The following ST18 variants were observed in gnomAD, a reference collection of about 807,000 sequenced individuals.
The protein encoded by ST18 is suppression of tumorigenicity 18 protein.
A neutral mutation model predicts 110.0 loss-of-function variants in ST18; 50 were observed. That is an observed-to-expected ratio of 0.45 (90% CI 0.36 to 0.58). The LOEUF is 0.58. Ranked by LOEUF, ST18 falls within the 20% of genes least tolerant of loss-of-function variation. The pLI is 0.00. For missense variants in ST18, 1,306 were observed against 1,280.1 expected (o/e 1.02, Z -0.31); for synonymous variants, 461 against 452.4 (o/e 1.02, Z -0.24).
intron 2 of ST18, among the ~76,000 whole-genome samples, chr8:52,230,288 G>T (rs193059704): frequency 9.2e-5 from 14 of 152,072 alleles, no homozygotes; most frequent in African/African-American, 3.1e-4. Context: ...AGAAAAACAG[G>T]TGTCTACTGT....
At chr8:52,288,343 G>A (rs543399270) in intron 2 of ST18, among the ~76,000 whole-genome samples, 1 of 152,272 alleles carries the variant, frequency 6.6e-6, no homozygotes, top group East Asian at 1.9e-4. Context: ...AGATGAGAAA[G>A]TGTAATGAGA....
chr8:52,372,658 T>C (rs1030071452), intron 2 of ST18, among the ~76,000 whole-genome samples: 4 of 152,224 alleles, frequency 2.6e-5, no homozygotes, highest in African/African-American at 7.2e-5. Context: ...ATAGTTACCA[T>C]TGGGTTCCAA....
At chr8:52,382,175 C>A (rs1336792191) in intron 2 of ST18, among the ~76,000 whole-genome samples, 5 of 152,100 alleles carry the variant, frequency 3.3e-5, no homozygotes, top group Non-Finnish European at 7.4e-5. Flanking sequence ...CCATTTAAAG[C>A]CTTCTATCAG....
At chr8:52,293,850 A>C (rs2095592925) in intron 2 of ST18, among the ~76,000 whole-genome samples, 1 of 152,202 alleles carries the variant, frequency 6.6e-6, no homozygotes, top group African/African-American at 2.4e-5. Context: ...TTCTGAGTGG[A>C]GCTCCAAGAT....
chr8:52,269,261 G>GCCC (rs1217493158), intron 2 of ST18, among the ~76,000 whole-genome samples: 2 of 152,172 alleles, frequency 1.3e-5, no homozygotes, highest in African/African-American at 4.8e-5. Flanking sequence ...TTGTTGCAGA[G>GCCC]ATAAATGGGT....
intron 2 of ST18, among the ~76,000 whole-genome samples, chr8:52,323,359 T>C (rs1804861407): frequency 6.6e-6 from 1 of 152,234 alleles, no homozygotes; most frequent in Non-Finnish European, 1.5e-5. Flanking sequence ...ATAGGGACTT[T>C]AAGGAATTAA....
chr8:52,242,967 T>C (rs1233630072), intron 2 of ST18, among the ~76,000 whole-genome samples: 1 of 152,184 alleles, frequency 6.6e-6, no homozygotes, highest in Non-Finnish European at 1.5e-5. Context: ...TGCTTGAGTC[T>C]AAAATACTCA....
chr8:52,282,025 C>T (rs1000358996), intron 2 of ST18, among the ~76,000 whole-genome samples: 1 of 152,114 alleles, frequency 6.6e-6, no homozygotes, highest in Non-Finnish European at 1.5e-5. Flanking sequence ...ACCACCTGTT[C>T]CCCATAAACC....
chr8:52,308,659 C>T (rs1040866264), intron 2 of ST18, among the ~76,000 whole-genome samples: 2 of 152,230 alleles, frequency 1.3e-5, no homozygotes, highest in African/African-American at 2.4e-5. Context: ...GAAAGGAGAA[C>T]TGTGTCCAGG....
chr8:52,369,937 C>G (rs1829637099), intron 2 of ST18, among the ~76,000 whole-genome samples: 1 of 152,138 alleles, frequency 6.6e-6, no homozygotes, highest in South Asian at 2.1e-4. Context: ...CTCTGTGTTT[C>G]CCTAGAATAG....
chr8:52,146,382 C>T (rs964450846), intron 16 of ST18, among the ~76,000 whole-genome samples: 1 of 152,088 alleles, frequency 6.6e-6, no homozygotes, highest in Non-Finnish European at 1.5e-5. Context: ...TCTCTTTTTT[C>T]TTTCCTATTA....
intron 10 of ST18, among the ~76,000 whole-genome samples, chr8:52,167,510 T>C (rs368604222): frequency 5.3e-5 from 8 of 152,332 alleles, no homozygotes; most frequent in African/African-American, 1.9e-4. Context: ...CTGGCGGAGT[T>C]AGGACAGGGC....
intron 13 of ST18, among the ~76,000 whole-genome samples, chr8:52,161,948 G>A (rs565434470): frequency 1.5e-4 from 23 of 152,316 alleles, no homozygotes; most frequent in Admixed American, 1.4e-3. Flanking sequence ...GGTGGCTTAC[G>A]CCTATAATCC....
At chr8:52,137,151 T>A (rs912226679) in intron 18 of ST18, among the ~76,000 whole-genome samples, 5 of 152,224 alleles carry the variant, frequency 3.3e-5, no homozygotes, top group African/African-American at 9.6e-5. Context: ...TTATTCCTCA[T>A]TCCACATGAG....
chr8:52,271,030 C>G (rs1276819634), intron 2 of ST18, among the ~76,000 whole-genome samples: 1 of 151,828 alleles, frequency 6.6e-6, no homozygotes, highest in African/African-American at 2.4e-5. Context: ...TCCCGAGTAG[C>G]TGGGACTACG....
At chr8:52,351,323 T>C (rs6473713) in intron 2 of ST18, among the ~76,000 whole-genome samples, 148,565 of 152,278 alleles carry the variant, frequency 0.98, 72,574 homozygotes, top group East Asian at 1. Flanking sequence ...AGTGCTGTCT[T>C]CACTGAATCT....
intron 24 of ST18, among the ~76,000 whole-genome samples, chr8:52,117,449 C>T (rs908451425): frequency 6.6e-6 from 1 of 152,190 alleles, no homozygotes; most frequent in African/African-American, 2.4e-5. Flanking sequence ...CTGCTTCCTC[C>T]TTCTAGACTA....
intron 2 of ST18, among the ~76,000 whole-genome samples, chr8:52,314,815 G>A (rs564188814): frequency 5.3e-5 from 8 of 152,212 alleles, no homozygotes; most frequent in Non-Finnish European, 7.4e-5. Flanking sequence ...CCAGATCCCT[G>A]GGGCAGCAGG....
intron 2 of ST18, among the ~76,000 whole-genome samples, chr8:52,362,878 T>A (rs1365511312): frequency 6.6e-6 from 1 of 152,026 alleles, no homozygotes; most frequent in Non-Finnish European, 1.5e-5. Context: ...AAACCCTCCC[T>A]AAAATACAAG....
Sources: allele counts gnomAD v4.1 joint callset (sites outside exome capture counted in the v4.1 genomes callset), GRCh38; gene constraint gnomAD v4.1.1; transcripts MANE v1.5; gene names NCBI Gene and HGNC (gene_info 2026-07-23, HGNC 2026-07-21).